ULK1: variants seen among roughly 807,000 people sequenced by gnomAD.
The protein encoded by ULK1 is serine/threonine-protein kinase ULK1.
ULK1 carries 48 observed loss-of-function variants against 117.5 expected under a neutral mutation model. The ratio of observed to expected loss-of-function variants is 0.41; its 90% confidence interval spans 0.32 to 0.52. ULK1 has a LOEUF of 0.52. ULK1 is among the 20% of genes least tolerant of loss of function. The pLI is 0.29. For synonymous variants in ULK1, 790 were observed against 637.8 expected (o/e 1.24, Z -3.60); for missense variants, 1,387 against 1,473.4 (o/e 0.94, Z 0.96).
chr12:131,909,778 A>G lies in ULK1; in HGVS notation c.670A>G (p.Ser224Gly), dbSNP rs376633314. The G allele has an allele frequency of 6.2e-7, 1 of 1,606,068 alleles. No individual in the cohort carries two copies. Among genetic ancestry groups the G allele is most frequent in the Non-Finnish European group, 8.5e-7 (1 of 1,176,846 alleles). The stretch of plus-strand genomic sequence containing the variant: ...CAGGCTGTCCCCGTCCCCGCAGGCC[A>G]GCAGCCCCCAGGACCTGCGCCTGTT... Reference protein sequence around the residue: ...CLTGKAPFQASSPQDLRLFYE... With the variant: ...CLTGKAPFQAGSPQDLRLFYE... Residue 224 changes from serine (S) to glycine (G), a missense_variant, in exon 9 of 28, where the codon AGC (serine) becomes GGC (glycine). Ser to Gly is a moderately conservative substitution (Grantham distance 56). Transcript: ENST00000321867.
chr12:131,913,916 C>T, intron 15 of ULK1, 80 bp downstream of exon 15: 2 of 1,233,254 alleles, frequency 1.6e-6, no homozygotes, highest in South Asian at 3.8e-5. Flanking sequence ...GTGTCGCAGC[C>T]AGCCCAGGCC....
At position 131,914,406 on chromosome 12, in the gene ULK1, C is replaced by T; in HGVS notation, c.1302C>T (p.Val434=). 6.2e-7 allele frequency: 1 copy of T among 1,612,708 alleles called. No individual in the cohort carries two copies. Residue 434 remains valine, a synonymous_variant, in exon 16 of 28, where the codon GTC becomes GTT. Transcript: ENST00000321867. ...GCGGCGCCTCTGTCCCCATCCCAGT[C>T]CCCACGCAGGTGCAGAACTACCAGC... ...SRCGASVPIP[V]PTQVQNYQRI...
In ULK1 at chr12:131,903,936, G is replaced by A. The variant is rs915273261; in HGVS notation, c.247-2956G>A. 1.3e-5 allele frequency among the ~76,000 whole-genome samples: 2 copies of A among 152,104 alleles called. No individual in the cohort carries two copies. Among genetic ancestry groups the A allele is most frequent in the Non-Finnish European group, 2.9e-5 (2 of 67,962 alleles). Reference sequence around the variant, plus strand: ...AGGGGGTGACATCTGTGACTCTGGGGCAAGGCCAGGGGTCTAGACGTGTCA... The same window carrying A: ...AGGGGGTGACATCTGTGACTCTGGGACAAGGCCAGGGGTCTAGACGTGTCA... On this transcript the variant is annotated intron_variant, in intron 3 of 27. Coordinates refer to ENST00000321867, the MANE Select transcript of ULK1 (RefSeq NM_003565.4). The surrounding 1 kb of genome is among the most constrained non-coding windows in gnomAD (Gnocchi z 6.0).
chr12:131,904,078 G>T (rs1889184329), intron 3 of ULK1, among the ~76,000 whole-genome samples: 1 of 152,072 alleles, frequency 6.6e-6, no homozygotes, highest in African/African-American at 2.4e-5. Context: ...CAGATGGGGT[G>T]GGGGAAGAGC....
rs1363748221 is a variant in ULK1 at position 131,903,107 on chromosome 12, C to T, written c.247-3785C>T. On this transcript the variant is annotated intron_variant, in intron 3 of 27. Coordinates refer to ENST00000321867, the MANE Select transcript of ULK1 (RefSeq NM_003565.4). This position sits in a 1 kb window ranked among gnomAD's most constrained non-coding sequence, Gnocchi z 6.0. The stretch of plus-strand genomic sequence containing the variant: ...CCCCCTCAAGAGCCCTAGAGAGAGT[C>T]GCTGCCTGTGGGAAGGGTGGACAGG... Among the ~76,000 whole-genome samples the T allele has an allele frequency of 1.4e-4, 22 of 152,220 alleles. No individual in the cohort carries two copies. The highest frequency in any genetic ancestry group is 9.2e-4 in the Admixed American group (14 of 15,296).
chr12:131,911,585 C>T (rs552958840), intron 12 of ULK1, among the ~76,000 whole-genome samples: 37 of 152,300 alleles, frequency 2.4e-4, no homozygotes, highest in East Asian at 3.9e-4. Flanking sequence ...TCCATGGTAC[C>T]TCGTTCTCTT....
intron 13 of ULK1, 117 bp from the exon 14 acceptor site, chr12:131,913,081 A>G: frequency 1.0e-6 from 1 of 958,414 alleles, no homozygotes; most frequent in Non-Finnish European, 1.4e-6. Flanking sequence ...CCGCTGTACG[A>G]GCTGAGGCCC....
chr12:131,919,866 G>A (rs1593277872), intron 25 of ULK1, 113 bp from the exon 26 acceptor site: 9 of 1,449,586 alleles, frequency 6.2e-6, no homozygotes, highest in Non-Finnish European at 6.5e-6. Context: ...GGGAGCCAGG[G>A]CTGTGGCAGG....
chr12:131,901,156 C>T (rs1301053022), intron 3 of ULK1, among the ~76,000 whole-genome samples: 2 of 151,290 alleles, frequency 1.3e-5, no homozygotes, highest in Non-Finnish European at 2.9e-5. Context: ...GTCAGGAGTT[C>T]GAGACCAGCC....
chr12:131,921,204 G>A lies in ULK1; in HGVS notation c.3066G>A (p.Ser1022=), dbSNP rs756430541. ...TGGAGGGGCTGCAGCACATGCTCTC[G>A]GACCAGGCCGACATCGAGAACGTCA... The part of the protein sequence containing the change: ...LLLEGLQHML[S]DQADIENVTK... Residue 1022 remains serine, a synonymous_variant, in exon 27 of 28, where the codon TCG becomes TCA. Coordinates refer to ENST00000321867, the MANE Select transcript of ULK1 (RefSeq NM_003565.4). 1.9e-5 allele frequency: 30 copies of A among 1,606,520 alleles called. No individual in the cohort carries two copies. The highest frequency in any genetic ancestry group is 1.6e-4 in the Middle Eastern group (1 of 6,082).
At position 131,921,916 on chromosome 12, in the gene ULK1, G is replaced by A. The variant is rs1036475822; in HGVS notation, c.*555G>A. Reference sequence around the variant, plus strand: ...GATTCCTGGCAGTGGCCTGGTGTTTGTACATACACATATGCAGACACATGC... The same window carrying A: ...GATTCCTGGCAGTGGCCTGGTGTTTATACATACACATATGCAGACACATGC... On this transcript the variant is annotated 3_prime_UTR_variant, in exon 28 of 28. Transcript: ENST00000321867. The A allele has an allele frequency of 2.2e-6, 1 of 456,766 alleles. No homozygotes were observed. The highest frequency in any genetic ancestry group is 2.0e-5 in the African/African-American group (1 of 50,098). The allele number at this position is 456,766 out of a possible 1,614,324, so 28.3% of individuals were successfully genotyped here.
chr12:131,905,286 C>T (rs1297990836), intron 3 of ULK1, among the ~76,000 whole-genome samples: 1 of 152,190 alleles, frequency 6.6e-6, no homozygotes, highest in Non-Finnish European at 1.5e-5. Context: ...GGGCTTCTCA[C>T]GTTTATGAAG....
At chr12:131,895,853 G>A in intron 3 of ULK1, 29 bp downstream of exon 3, 4 of 1,613,616 alleles carry the variant, frequency 2.5e-6, no homozygotes, top group Non-Finnish European at 3.4e-6. Flanking sequence ...GGTCTGCTGG[G>A]GACCGGGCTG....
chr12:131,915,761 C>G (rs1009781050), intron 18 of ULK1, 130 bp from the exon 19 acceptor site: 4 of 1,286,174 alleles, frequency 3.1e-6, no homozygotes, highest in Non-Finnish European at 4.3e-6. Context: ...AGGGCGAGAC[C>G]CCGTCTCAAC....
intron 4 of ULK1, 122 bp downstream of exon 4, chr12:131,907,046 T>C: frequency 1.5e-6 from 2 of 1,312,678 alleles, no homozygotes; most frequent in Non-Finnish European, 2.2e-6. Flanking sequence ...TGAGATGGAG[T>C]CTCACTGTCG....
At chr12:131,917,902 A>G (rs1286815484) in intron 22 of ULK1, among the ~76,000 whole-genome samples, 1 of 152,196 alleles carries the variant, frequency 6.6e-6, no homozygotes, top group African/African-American at 2.4e-5. Flanking sequence ...AGTTGCCCTG[A>G]TGAGCACAGG....
intron 26 of ULK1, 105 bp downstream of exon 26, chr12:131,920,241 G>C: frequency 1.4e-6 from 2 of 1,419,124 alleles, no homozygotes; most frequent in South Asian, 1.4e-5. Context: ...AGACTTTGGG[G>C]GGTGTCACTT....
chr12:131,908,736 C>T lies in ULK1; in HGVS notation c.409C>T (p.Arg137Cys). Residue 137 changes from arginine (R) to cysteine (C), a missense_variant, in exon 6 of 28, where the codon CGC becomes TGC. This residue lies in a region of ULK1 where 224 missense variants were observed against 325.2 expected (regional missense o/e 0.69). Coordinates refer to ENST00000321867, the MANE Select transcript of ULK1 (RefSeq NM_003565.4). ...TCTGCACAGCAAAGGCATCATCCAC[C>T]GCGACCTGAAACCGCAGAACATCCT... ...RLLHSKGIIH[R>C]DLKPQNILLS... 6.2e-7 allele frequency: 1 copy of T among 1,608,788 alleles called. No homozygotes were observed. Among genetic ancestry groups the T allele is most frequent in the African/African-American group, 1.3e-5 (1 of 74,886 alleles).
In ULK1 at chr12:131,901,504, C is replaced by T. The variant is rs901676874; in HGVS notation, c.247-5388C>T. Among the ~76,000 whole-genome samples, 6 of 152,336 alleles carry T rather than the reference C, an allele frequency of 3.9e-5. No homozygotes were observed. In the South Asian group the frequency reaches 1.2e-3, roughly 32 times the overall value. ...CCCGGGCCGCTCTCCTCCCTCCTAT[C>T]GAGGGCACGTCCGTCCTCCTGTGTG... On this transcript the variant is annotated intron_variant, in intron 3 of 27. Transcript: ENST00000321867.
Sources: gnomAD v4.1 joint callset for allele counts (sites outside exome capture counted in the v4.1 genomes callset) on GRCh38, gnomAD v4.1.1 for gene constraint, gnomAD v4.1.1 regional missense constraint, Gnocchi (gnomAD v3.1) non-coding constraint, MANE v1.5 for transcripts, NCBI Gene and HGNC (gene_info 2026-07-23, HGNC 2026-07-21) for gene names.